PLCB1: variants seen among roughly 807,000 people sequenced by gnomAD.
PLCB1 encodes 1-phosphatidylinositol 4,5-bisphosphate phosphodiesterase beta-1.
A neutral mutation model predicts 161.8 loss-of-function variants in PLCB1; 46 were observed. The ratio of observed to expected loss-of-function variants is 0.28; its 90% CI spans 0.22 to 0.36. The LOEUF is 0.36. PLCB1 is among the 10% of genes least tolerant of loss of function. PLCB1 has a pLI of 1.00. For missense variants in PLCB1, 1,016 were observed against 1,472.5 expected (o/e 0.69, Z 5.07); for synonymous variants, 517 against 503.7 (o/e 1.03, Z -0.35).
intron 3 of PLCB1, among the ~76,000 whole-genome samples, chr20:8,622,107 G>C (rs1988201342): frequency 6.6e-6 from 1 of 151,900 alleles, no homozygotes; most frequent in African/African-American, 2.4e-5. Context: ...TACAAATTTA[G>C]GGGGTGGTTG....
At chr20:8,806,529 C>T (rs557052013) in intron 31 of PLCB1, among the ~76,000 whole-genome samples, 3 of 152,208 alleles carry the variant, frequency 2.0e-5, no homozygotes, top group African/African-American at 7.2e-5. Flanking sequence ...GTTTCAACAA[C>T]AGACTCAGTG....
intron 2 of PLCB1, among the ~76,000 whole-genome samples, chr20:8,360,311 C>G (rs1042426090): frequency 6.6e-6 from 1 of 152,068 alleles, no homozygotes; most frequent in Non-Finnish European, 1.5e-5. Context: ...AGCTGATAGA[C>G]GCTGGGGGAT....
intron 31 of PLCB1, among the ~76,000 whole-genome samples, chr20:8,826,257 A>G (rs546089691): frequency 7.1e-4 from 108 of 152,246 alleles, no homozygotes; most frequent in Middle Eastern, 3.4e-3. Flanking sequence ...GCACTTTGGG[A>G]GGCCGAGGCG....
chr20:8,504,246 A>G (rs1403363950), intron 3 of PLCB1, among the ~76,000 whole-genome samples: 1 of 152,116 alleles, frequency 6.6e-6, no homozygotes, highest in African/African-American at 2.4e-5. Context: ...TTACTGTGGC[A>G]GAAGGAAAAA....
At chr20:8,587,285 GTTA>G (rs1354317720) in intron 3 of PLCB1, among the ~76,000 whole-genome samples, 1 of 152,096 alleles carries the variant, frequency 6.6e-6, no homozygotes, top group Admixed American at 6.6e-5. Flanking sequence ...AATGAGTTGG[GTTA>G]TTATTAATTA....
chr20:8,502,267 G>A (rs927757439), intron 3 of PLCB1, among the ~76,000 whole-genome samples: 14 of 151,998 alleles, frequency 9.2e-5, no homozygotes, highest in African/African-American at 3.1e-4. Flanking sequence ...AAAAACACTT[G>A]ACATGAACTA....
intron 2 of PLCB1, among the ~76,000 whole-genome samples, chr20:8,291,209 G>C (rs1263194142): frequency 6.6e-6 from 1 of 152,156 alleles, no homozygotes; most frequent in African/African-American, 2.4e-5. Flanking sequence ...GTGCCTTCCA[G>C]GTCAATGAAA....
chr20:8,420,807 A>G (rs1474099352), intron 3 of PLCB1, among the ~76,000 whole-genome samples: 1 of 152,206 alleles, frequency 6.6e-6, no homozygotes, highest in Non-Finnish European at 1.5e-5. Flanking sequence ...TTGGTGCAAG[A>G]CTGCACTTCA....
At chr20:8,160,013 AAAAG>A (rs2051606692) in intron 2 of PLCB1, among the ~76,000 whole-genome samples, 1 of 151,688 alleles carries the variant, frequency 6.6e-6, no homozygotes, top group African/African-American at 2.4e-5. Context: ...AAAAAAGAAA[AAAAG>A]AAATTTCTTC....
intron 2 of PLCB1, among the ~76,000 whole-genome samples, chr20:8,219,998 G>A (rs1344527252): frequency 6.6e-6 from 1 of 152,064 alleles, no homozygotes; most frequent in East Asian, 1.9e-4. Flanking sequence ...ACAATGCCTG[G>A]CATACAATAA....
At chr20:8,481,812 C>T (rs1188418562) in intron 3 of PLCB1, among the ~76,000 whole-genome samples, 1 of 152,020 alleles carries the variant, frequency 6.6e-6, no homozygotes, top group East Asian at 1.9e-4. Flanking sequence ...ATCTGAAATT[C>T]ACAGCTGATG....
intron 3 of PLCB1, among the ~76,000 whole-genome samples, chr20:8,501,051 A>G (rs1245574186): frequency 6.6e-6 from 1 of 152,106 alleles, no homozygotes; most frequent in Admixed American, 6.6e-5. Flanking sequence ...CCCCCAATGG[A>G]TACACCTGAG....
At chr20:8,695,569 G>T (rs6056026) in intron 10 of PLCB1, among the ~76,000 whole-genome samples, 1 of 151,920 alleles carries the variant, frequency 6.6e-6, no homozygotes, top group African/African-American at 2.4e-5. Flanking sequence ...GAGCATGCTC[G>T]TGCACATCTG....
At chr20:8,661,730 A>T (rs8116455) in intron 9 of PLCB1, among the ~76,000 whole-genome samples, 75,773 of 150,536 alleles carry the variant, frequency 0.5, 19,314 homozygotes, top group African/African-American at 0.57. Flanking sequence ...ATTGTTATTA[A>T]CACTGTTTAA....
intron 4 of PLCB1, among the ~76,000 whole-genome samples, chr20:8,644,886 G>A (rs1180318863): frequency 4.6e-5 from 7 of 152,160 alleles, no homozygotes; most frequent in Admixed American, 1.3e-4. Context: ...GGAATAGAAA[G>A]GGGGGAAAGG....
At chr20:8,748,954 T>G (rs759752965) in intron 23 of PLCB1, among the ~76,000 whole-genome samples, 13 of 152,164 alleles carry the variant, frequency 8.5e-5, no homozygotes, top group Non-Finnish European at 1.3e-4. Flanking sequence ...ACAATAAAAT[T>G]TATTTTTTTC....
chr20:8,771,526 A>G (rs370734431), intron 26 of PLCB1, among the ~76,000 whole-genome samples: 2 of 152,190 alleles, frequency 1.3e-5, no homozygotes, highest in East Asian at 3.9e-4. Flanking sequence ...CTTCCAAGAG[A>G]GACAAGCGTT....
intron 2 of PLCB1, among the ~76,000 whole-genome samples, chr20:8,354,017 T>TA (rs2122270496): frequency 6.8e-6 from 1 of 147,626 alleles, no homozygotes; most frequent in African/African-American, 2.6e-5. Flanking sequence ...AGAAGGCTAT[T>TA]TAAAAAAAAA....
chr20:8,448,255 T>A (rs1427730912), intron 3 of PLCB1, among the ~76,000 whole-genome samples: 1 of 152,212 alleles, frequency 6.6e-6, no homozygotes, highest in Non-Finnish European at 1.5e-5. Flanking sequence ...CTTTTGGCCC[T>A]TTCTGCTAGG....
Sources: gnomAD v4.1 joint callset for allele counts (sites outside exome capture counted in the v4.1 genomes callset) on GRCh38, gnomAD v4.1.1 for gene constraint, MANE v1.5 for transcripts, NCBI Gene and HGNC (gene_info 2026-07-23, HGNC 2026-07-21) for gene names.